TTN: variants seen among roughly 807,000 people sequenced by gnomAD.
The protein encoded by TTN is connectin.
A neutral mutation model predicts 3,223.0 loss-of-function variants in TTN; 1,525 were observed. The ratio of observed to expected loss-of-function variants is 0.47; its 90% CI spans 0.45 to 0.49. TTN has a LOEUF of 0.49. TTN is among the 20% of genes least tolerant of loss of function. The probability of loss-of-function intolerance (pLI) is 0.00; values close to 1 mark genes in which losing one functional copy is unlikely to be tolerated. For synonymous variants in TTN, 14,094 were observed against 15,161.0 expected (o/e 0.93, Z 5.17); for missense variants, 40,786 against 43,424.0 (o/e 0.94, Z 5.40).
intron 238 of TTN, 40 bp from the exon 239 acceptor site, chr2:178,630,407 TTTCTTTGAAA>T: frequency 6.4e-7 from 1 of 1,554,136 alleles, no homozygotes; most frequent in Non-Finnish European, 8.6e-7. Flanking sequence ...AGAAAATAAT[TTTCTTTGAAA>T]TTTTGTTCTA....
At chr2:178,794,851 T>C in intron 7 of TTN, 71 bp downstream of exon 7, 1 of 1,576,990 alleles carries the variant, frequency 6.3e-7, no homozygotes, top group Non-Finnish European at 8.6e-7. Context: ...ACAGACTGAG[T>C]TTCATGGCAG....
rs372658275 is a variant in TTN at position 178,612,302 on chromosome 2, G to T, written c.50223C>A (p.Asp16741Glu). 5 of 1,612,496 alleles carry T rather than the reference G, an allele frequency of 3.1e-6. No homozygotes were observed. The African/African-American group carries it at 4.0e-5, about 13-fold the overall frequency. Residue 16741 changes from aspartate to glutamate, a missense_variant, in exon 266 of 363, where the codon GAC becomes GAA. Physicochemically the swap from Asp to Glu is conservative, Grantham distance 45. Transcript: ENST00000589042. ...IGQSDYTEIE[D>E]SVLAKDTFTT... ...TAAAGGTGTCTTTGGCCAGCACAGA[G>T]TCCTCAATTTCGGTGTAGTCGCTTT...
intron 88 of TTN, among the ~76,000 whole-genome samples, 173 bp from the exon 89 acceptor site, chr2:178,715,947 AAT>A (rs1288567181): frequency 6.6e-6 from 1 of 152,174 alleles, no homozygotes; most frequent in Non-Finnish European, 1.5e-5. Context: ...TCTAAAATAA[AAT>A]ATGCTTGTTT....
rs988898392 is a variant in TTN at position 178,654,062 on chromosome 2, T to G, written c.38414A>C (p.Lys12805Thr). ...TTTGATTGGTGCCTTGGGAATTTTC[T>G]TTTCTGGGACAACTTCTTGAGCAGC... is the stretch of plus-strand genomic sequence containing the variant. ...PEAAQEVVPE[K>T]KIPKAPIKKP... The change falls in exon 194 of 363, where the codon AAG becomes ACG. Residue 12805 changes from lysine (K) to threonine (T), a missense_variant. Transcript: ENST00000589042. 5.0e-6 allele frequency: 8 copies of G among 1,584,930 alleles called. No homozygotes were observed. Among genetic ancestry groups the G allele is most frequent in the Admixed American group, 1.7e-5 (1 of 57,402 alleles).
At chr2:178,711,592 T>C (rs2154295532) in intron 96 of TTN, among the ~76,000 whole-genome samples, 1 of 152,336 alleles carries the variant, frequency 6.6e-6, no homozygotes, top group Admixed American at 6.5e-5. Context: ...AGCAATTGGT[T>C]GGCTGAAGGC....
chr2:178,729,218 T>C (rs2079930016), intron 64 of TTN, 49 bp from the exon 65 acceptor site: 2 of 1,550,020 alleles, frequency 1.3e-6, no homozygotes, highest in Non-Finnish European at 1.7e-6. Context: ...TTGTAACTCC[T>C]ACCCATAATG....
At chr2:178,804,122 C>T (rs1294088472) in intron 2 of TTN, among the ~76,000 whole-genome samples, 2 of 152,132 alleles carry the variant, frequency 1.3e-5, no homozygotes, top group South Asian at 2.1e-4. Flanking sequence ...TGTTATTTTG[C>T]GTGTGAACCA....
chr2:178,529,310 GA>G (rs1391865062), intron 359 of TTN, 91 bp from the exon 360 acceptor site: 4 of 1,052,710 alleles, frequency 3.8e-6, no homozygotes, highest in African/African-American at 1.6e-5. Context: ...AACATAAAAA[GA>G]AAAAAAGTCA....
At chr2:178,714,882 T>A in intron 90 of TTN, 104 bp downstream of exon 90, 1 of 1,417,670 alleles carries the variant, frequency 7.1e-7, no homozygotes, top group South Asian at 1.5e-5. Flanking sequence ...AAAGGGAAAG[T>A]GGAATAGGCT....
In TTN at chr2:178,664,004, G is replaced by C. The variant is rs1385826020; in HGVS notation, c.36364+11C>G. On this transcript the variant is annotated intron_variant, in intron 169 of 362. Coordinates refer to ENST00000589042, the MANE Select transcript of TTN (RefSeq NM_001267550.2). ...TTAGGTCTTCTGAAGCCTAAAGTCAGTGACAAATACCTTTAACAGGTGGGA... is the reference window on the plus strand; with the variant it reads ...TTAGGTCTTCTGAAGCCTAAAGTCACTGACAAATACCTTTAACAGGTGGGA... The C allele has an allele frequency of 1.2e-6, 2 of 1,613,166 alleles. No homozygotes were observed. The highest frequency in any genetic ancestry group is 1.7e-6 in the Non-Finnish European group (2 of 1,179,620).
At chr2:178,584,132 T>G in intron 311 of TTN, 144 bp downstream of exon 311, 1 of 1,090,566 alleles carries the variant, frequency 9.2e-7, no homozygotes, top group Non-Finnish European at 1.3e-6. Flanking sequence ...TTGTAAGAGA[T>G]AGAACATATT....
intron 20 of TTN, 93 bp downstream of exon 20, chr2:178,782,119 G>T: frequency 6.9e-7 from 1 of 1,443,826 alleles, no homozygotes; most frequent in Non-Finnish European, 9.7e-7. Context: ...AAGAGCCTAT[G>T]CTCAGGGTCG....
intron 316 of TTN, chr2:178,580,903 G>T: frequency 3.4e-6 from 1 of 290,230 alleles, no homozygotes; most frequent in Non-Finnish European, 6.2e-6. Context: ...GAAAGTAGAC[G>T]ATTGATTTTT....
At chr2:178,603,775 A>T in intron 282 of TTN, 101 bp downstream of exon 282, 1 of 1,159,786 alleles carries the variant, frequency 8.6e-7, no homozygotes, top group Non-Finnish European at 1.2e-6. Flanking sequence ...TAATAAATAA[A>T]ATAATTTGGC....
rs775846804 is a variant in TTN at position 178,624,506 on chromosome 2, T to C, written c.44774A>G (p.Asp14925Gly). The C allele has an allele frequency of 8.7e-6, 14 of 1,612,692 alleles. No individual in the cohort carries two copies. In the South Asian group the frequency reaches 1.5e-4, roughly 18 times the overall value. ...ACAGGAAGTCTTAAAATCCTTAGCA[T>C]CACAAGTGTATGTTTTAATATCCTC... The part of the protein sequence containing the change: ...TPEDIKTYTC[D>G]AKDFKTSCNL... Residue 14925 changes from aspartate to glycine, a missense_variant, in exon 242 of 363, where the codon GAT (aspartate) becomes GGT (glycine). Physicochemically the swap from Asp to Gly is moderately conservative, Grantham distance 94. Coordinates refer to ENST00000589042, the MANE Select transcript of TTN (RefSeq NM_001267550.2).
rs763344306 is a variant in TTN, at chr2:178,539,222, C to T, written c.98713G>A (p.Glu32905Lys). Reference sequence around the variant, plus strand: ...GAACTCTTGGTTACATCGAGTACTTCTGGAGGATTGCTTGGAGGTTCTGGA... The same window carrying T: ...GAACTCTTGGTTACATCGAGTACTTTTGGAGGATTGCTTGGAGGTTCTGGA... ...NPPEPPSNPPEVLDVTKSSVS... is the reference protein window; with the variant it reads ...NPPEPPSNPPKVLDVTKSSVS... Residue 32905 changes from glutamate to lysine, a missense_variant, in exon 353 of 363, where the codon GAA becomes AAA. By Grantham distance (56) the Glu-to-Lys change is moderately conservative. Coordinates refer to ENST00000589042, the MANE Select transcript of TTN (RefSeq NM_001267550.2). 1.4e-5 allele frequency: 23 copies of T among 1,613,576 alleles called. No individual in the cohort carries two copies. Among genetic ancestry groups the T allele is most frequent in the Non-Finnish European group, 1.9e-5 (22 of 1,179,672 alleles).
At position 178,718,102 on chromosome 2, in the gene TTN, T is replaced by A; in HGVS notation, c.24904A>T (p.Thr8302Ser). 6.2e-7 allele frequency: 1 copy of A among 1,612,940 alleles called. No homozygotes were observed. The highest frequency in any genetic ancestry group is 8.5e-7 in the Non-Finnish European group (1 of 1,179,696). Residue 8302 changes from threonine to serine, a missense_variant, in exon 86 of 363, where the codon ACA becomes TCA. Thr to Ser is a moderately conservative substitution (Grantham distance 58, BLOSUM62 1). Transcript: ENST00000589042. Reference sequence around the variant, plus strand: ...TATGCAGGAGCTGATCGTAGCTTTGTGTGTTCTTTATACCAAGAAATTCTA... The same window carrying A: ...TATGCAGGAGCTGATCGTAGCTTTGAGTGTTCTTTATACCAAGAAATTCTA... Reference protein sequence around the residue: ...EIRISWYKEHTKLRSAPAYKM... With the variant: ...EIRISWYKEHSKLRSAPAYKM...
At chr2:178,652,006 TA>T in intron 204 of TTN, 39 bp from the exon 205 acceptor site, 2 of 1,611,354 alleles carry the variant, frequency 1.2e-6, no homozygotes, top group Non-Finnish European at 1.7e-6. Context: ...CAGAATTGAC[TA>T]AAACTGAGAT....
rs1487906230 is a variant in TTN at position 178,537,215 on chromosome 2, A to C, written c.99894T>G (p.Ile33298Met). The C allele has an allele frequency of 1.2e-6, 2 of 1,608,550 alleles. No homozygotes were observed. Among genetic ancestry groups the C allele is most frequent in the Non-Finnish European group, 1.7e-6 (2 of 1,175,738 alleles). The change falls in exon 356 of 363, where the codon ATT becomes ATG. Residue 33298 changes from isoleucine to methionine, a missense_variant. By Grantham distance (10) the Ile-to-Met change is conservative. Transcript: ENST00000589042. Reference protein sequence around the residue: ...QDKPDKPTGPIVIEALLKNSA... With the variant: ...QDKPDKPTGPMVIEALLKNSA... Reference sequence around the variant, plus strand: ...AGTTCTTCAATAGAGCTTCGATCACAATTGGTCCTGTAGGTTTGTCTGGTT... The same window carrying C: ...AGTTCTTCAATAGAGCTTCGATCACCATTGGTCCTGTAGGTTTGTCTGGTT...
Sources: allele counts gnomAD v4.1 joint callset (sites outside exome capture counted in the v4.1 genomes callset), GRCh38; gene constraint gnomAD v4.1.1; transcripts MANE v1.5; gene names NCBI Gene and HGNC (gene_info 2026-07-23, HGNC 2026-07-21).